The following CLSTN2 variants were observed in gnomAD, a reference collection of about 807,000 sequenced individuals.
CLSTN2 encodes the protein calsyntenin-2.
CLSTN2 carries 48 observed loss-of-function variants against 101.2 expected under a neutral mutation model. The observed-to-expected ratio is 0.47, with a 90% CI of 0.38 to 0.60. The LOEUF (loss-of-function observed/expected upper bound fraction) is 0.60, where lower values mean the gene tolerates loss of function less well. Among genes scored for constraint, CLSTN2 ranks in the 20% least tolerant of loss-of-function variants. The pLI, the probability that CLSTN2 is intolerant of heterozygous loss-of-function variation, is 0.00. For missense variants in CLSTN2, 1,160 were observed against 1,238.2 expected (o/e 0.94, Z 0.95); for synonymous variants, 481 against 463.6 (o/e 1.04, Z -0.48).
chr3:140,292,395 T>C (rs2086963782), intron 2 of CLSTN2, among the ~76,000 whole-genome samples: 1 of 152,240 alleles, frequency 6.6e-6, no homozygotes, highest in Admixed American at 6.5e-5. Flanking sequence ...TTGTTTTTTT[T>C]CTTCTTCCCT....
At chr3:140,395,550 G>C (rs574639080) in intron 2 of CLSTN2, among the ~76,000 whole-genome samples, 1 of 152,176 alleles carries the variant, frequency 6.6e-6, no homozygotes, top group Non-Finnish European at 1.5e-5. Flanking sequence ...ACCCAGATGT[G>C]TGAAGAAACA....
At chr3:139,972,950 C>T (rs1277335897) in intron 1 of CLSTN2, among the ~76,000 whole-genome samples, 1 of 152,242 alleles carries the variant, frequency 6.6e-6, no homozygotes, top group Admixed American at 6.5e-5. Context: ...GCCTCTATTA[C>T]ACATTAATTG....
At chr3:140,389,125 A>G (rs1316960350) in intron 2 of CLSTN2, among the ~76,000 whole-genome samples, 1 of 104,350 alleles carries the variant, frequency 9.6e-6, no homozygotes, top group Non-Finnish European at 1.9e-5. Context: ...TGACAAATAG[A>G]GCTCTTTAAT....
intron 1 of CLSTN2, among the ~76,000 whole-genome samples, chr3:140,080,453 C>G (rs1186862952): frequency 6.6e-6 from 1 of 152,112 alleles, no homozygotes. Flanking sequence ...GCTCCTAGAC[C>G]TTTCTTTGAG....
At chr3:139,993,992 G>T (rs1328301423) in intron 1 of CLSTN2, among the ~76,000 whole-genome samples, 1 of 152,142 alleles carries the variant, frequency 6.6e-6, no homozygotes, top group African/African-American at 2.4e-5. Flanking sequence ...GCTTGCTGTT[G>T]CCTAACCCCT....
At position 140,515,615 on chromosome 3, in the gene CLSTN2, C is replaced by T. The variant is rs1006817067; in HGVS notation, c.1345-16709C>T. ...TTTTTTTTAATTTTCATCTTGATTT[C>T]GTTGTTTACCCAACAAGCATTCAGG... On this transcript the variant is annotated intron_variant, in intron 8 of 16. Transcript: ENST00000458420. Among the ~76,000 whole-genome samples, 9 of 152,136 alleles carry T rather than the reference C, an allele frequency of 5.9e-5. 1 individual carries two copies. In the Middle Eastern group the frequency reaches 0.02, roughly 345 times the overall value.
At chr3:140,260,447 T>C (rs1379456599) in intron 2 of CLSTN2, among the ~76,000 whole-genome samples, 1 of 151,616 alleles carries the variant, frequency 6.6e-6, no homozygotes, top group African/African-American at 2.4e-5. Flanking sequence ...AGGAGGGTAC[T>C]GGATTTTGTC....
chr3:140,186,394 A>T (rs1285441623), intron 2 of CLSTN2, among the ~76,000 whole-genome samples: 5 of 152,218 alleles, frequency 3.3e-5, no homozygotes, highest in Admixed American at 3.3e-4. Context: ...TTTTACTTTA[A>T]TGGGAATTTG....
intron 1 of CLSTN2, among the ~76,000 whole-genome samples, chr3:140,102,350 G>C (rs2008981057): frequency 6.6e-6 from 1 of 152,182 alleles, no homozygotes; most frequent in Non-Finnish European, 1.5e-5. Context: ...CCATGATTTG[G>C]GGGCAAGAAG....
intron 8 of CLSTN2, among the ~76,000 whole-genome samples, chr3:140,475,362 T>A (rs58620120): frequency 0.057 from 8,637 of 152,320 alleles, 801 homozygotes; most frequent in African/African-American, 0.2. Context: ...TGCCCTATTG[T>A]AGACATAGTC....
intron 1 of CLSTN2, among the ~76,000 whole-genome samples, chr3:140,066,330 G>C (rs1205692017): frequency 1.3e-5 from 2 of 152,150 alleles, no homozygotes; most frequent in African/African-American, 4.8e-5. Context: ...CTCCACCATG[G>C]TGTTTCTTCA....
rs144790996 is a variant in CLSTN2 at position 140,576,766 on chromosome 3, G to T, written c.*10513G>T. ...TGGCTTTGCCTCCAGCGGTGGACCA[G>T]TGTGTACCTGACATGTATCAGACTT... is the stretch of plus-strand genomic sequence containing the variant. On this transcript the variant is annotated 3_prime_UTR_variant, in exon 17 of 17. Transcript: ENST00000458420. The T allele has an allele frequency of 6.6e-6, 1 of 152,230 alleles. No individual in the cohort carries two copies. The highest frequency in any genetic ancestry group is 2.4e-5 in the African/African-American group (1 of 41,444). 9.4% of individuals were successfully genotyped at this position (152,230 alleles called of 1,614,324 possible).
At chr3:140,403,159 T>C (rs1461747834) in intron 2 of CLSTN2, among the ~76,000 whole-genome samples, 2 of 152,216 alleles carry the variant, frequency 1.3e-5, no homozygotes, top group Non-Finnish European at 2.9e-5. Context: ...CTCTTTAAGA[T>C]GTTAGCTTTT....
At chr3:140,447,799 G>T (rs1371979804) in intron 5 of CLSTN2, among the ~76,000 whole-genome samples, 1 of 152,140 alleles carries the variant, frequency 6.6e-6, no homozygotes, top group African/African-American at 2.4e-5. Context: ...GTCATCGGTG[G>T]CACATTAGAA....
chr3:140,094,377 A>G (rs887274758), intron 1 of CLSTN2, among the ~76,000 whole-genome samples: 22 of 152,176 alleles, frequency 1.4e-4, no homozygotes, highest in Admixed American at 1.3e-4. Context: ...TTCAAATTCT[A>G]TAAAATCTAT....
At chr3:139,946,058 C>T (rs897156983) in intron 1 of CLSTN2, among the ~76,000 whole-genome samples, 6 of 152,112 alleles carry the variant, frequency 3.9e-5, no homozygotes, top group African/African-American at 1.4e-4. Flanking sequence ...TTCAATTAAC[C>T]CTCCCTAGAC....
chr3:140,223,981 A>G (rs1044701349), intron 2 of CLSTN2, among the ~76,000 whole-genome samples: 2 of 152,178 alleles, frequency 1.3e-5, no homozygotes, highest in African/African-American at 4.8e-5. Context: ...TTTTCTCTCC[A>G]GAGAACTCTG....
chr3:140,496,364 G>A lies in CLSTN2; in HGVS notation c.1344+29633G>A, dbSNP rs1352630359. Among the ~76,000 whole-genome samples, 15 of 152,248 alleles carry A rather than the reference G, an allele frequency of 9.9e-5. No individual in the cohort carries two copies. The East Asian group carries it at 2.1e-3, about 22-fold the overall frequency. On this transcript the variant is annotated intron_variant, in intron 8 of 16. Transcript: ENST00000458420. ...GCTTATCAGCTTAAGAAGCTTTTGG[G>A]CTAAGGTGATGGGATTTTCTAGATA...
At chr3:140,250,557 T>C (rs2086554535) in intron 2 of CLSTN2, among the ~76,000 whole-genome samples, 1 of 152,226 alleles carries the variant, frequency 6.6e-6, no homozygotes, top group Non-Finnish European at 1.5e-5. Flanking sequence ...TTTGATGTAA[T>C]GCTCTTCCTT....
Sources: allele counts gnomAD v4.1 joint callset (sites outside exome capture counted in the v4.1 genomes callset), GRCh38; gene constraint gnomAD v4.1.1; transcripts MANE v1.5; gene names NCBI Gene and HGNC (gene_info 2026-07-23, HGNC 2026-07-21).